CDC42EP5: variants seen among roughly 807,000 people sequenced by gnomAD.
CDC42EP5 encodes the protein CDC42 effector protein (Rho GTPase binding) 5.
For synonymous variants in CDC42EP5, 118 were observed against 123.3 expected, an observed-to-expected ratio of 0.96 and a Z score of 0.28; for missense variants, 269 against 238.0, an observed-to-expected ratio of 1.13 and a Z score of -0.86.
intron 1 of CDC42EP5, among the ~76,000 whole-genome samples, chr19:54,472,818 T>C (rs1210686326): frequency 1.8e-4 from 10 of 55,736 alleles, no homozygotes; most frequent in Admixed American, 2.4e-4. Context: ...AGCCCCTTCT[T>C]CCTCAGACCC....
chr19:54,465,163 G>A lies in CDC42EP5; in HGVS notation c.385C>T (p.Pro129Ser). ...TTGGGGCGGCAGCGGGCCTGGGGGG[G>A]CTGCGTCCCGGGGCGGGGTTCCGCG... ...PDAEPRPGTQ[P>S]PQARCRPNAD... Residue 129 changes from proline to serine, a missense_variant, in exon 3 of 3, where the codon CCC becomes TCC. Pro to Ser is a moderately conservative substitution (Grantham distance 74). Transcript: ENST00000301200. The A allele has an allele frequency of 3.5e-6, 5 of 1,409,830 alleles. No individual in the cohort carries two copies. Among genetic ancestry groups the A allele is most frequent in the South Asian group, 1.6e-5 (1 of 64,444 alleles). The allele number at this position is 1,409,830 out of a possible 1,614,324, so 87.3% of individuals were successfully genotyped here. A position where few individuals can be genotyped will look rare whatever the true frequency, so the allele number is the denominator to read the frequency against.
At position 54,465,205 on chromosome 19, in the gene CDC42EP5, C is replaced by T; in HGVS notation, c.343G>A (p.Ala115Thr). The T allele has an allele frequency of 7.0e-7, 1 of 1,438,412 alleles. No individual in the cohort carries two copies. The allele number at this position is 1,438,412 out of a possible 1,614,324, so 89.1% of individuals were successfully genotyped here. ...GVMDAARPEA[A>T]AAKPDAEPRP... is the part of the protein sequence containing the mutation. ...GGTTCCGCGTCGGGCTTGGCGGCAG[C>T]CGCCTCCGGGCGCGCCGCGTCCATG... is the stretch of plus-strand genomic sequence containing the variant. Residue 115 changes from alanine to threonine, a missense_variant, in exon 3 of 3, where the codon GCT (alanine) becomes ACT (threonine). Ala to Thr is a moderately conservative substitution (Grantham distance 58, BLOSUM62 0). Coordinates refer to ENST00000301200, the MANE Select transcript of CDC42EP5 (RefSeq NM_145057.4).
At chr19:54,466,635 G>A (rs1202731919) in intron 2 of CDC42EP5, among the ~76,000 whole-genome samples, 1 of 152,164 alleles carries the variant, frequency 6.6e-6, no homozygotes, top group Non-Finnish European at 1.5e-5. Flanking sequence ...CTTGGTATCT[G>A]TGGGTTCCGC....
rs34177319 is a variant in CDC42EP5, at chr19:54,468,717, ATT to A, written c.-1+2826_-1+2827del. 1.8e-3 allele frequency among the ~76,000 whole-genome samples: 248 copies of A among 138,004 alleles called. 1 individual carries two copies. The highest frequency in any genetic ancestry group is 0.012 in the East Asian group (55 of 4,698). The allele number at this position is 138,004 out of a possible 152,430, so 90.5% of individuals were successfully genotyped here. On this transcript the variant is annotated intron_variant, in intron 2 of 2. Coordinates refer to ENST00000301200, the MANE Select transcript of CDC42EP5 (RefSeq NM_145057.4). ...TGCTACCATGTAGTGTTATTTTTGT[ATT>A]TTTTTTTTTTTTTGTAGAGATGGGG... is the stretch of plus-strand genomic sequence containing the variant.
At chr19:54,466,345 C>T (rs2084756641) in intron 2 of CDC42EP5, among the ~76,000 whole-genome samples, 2 of 152,148 alleles carry the variant, frequency 1.3e-5, no homozygotes, top group South Asian at 4.1e-4. Context: ...GTAGGAGAAT[C>T]GCTTGAACCC....
rs547076131 is a variant in CDC42EP5, at chr19:54,465,159, G to T, written c.389C>A (p.Pro130His). ...DAEPRPGTQP[P>H]QARCRPNADL... ...CGCGTTGGGGCGGCAGCGGGCCTGG[G>T]GGGGCTGCGTCCCGGGGCGGGGTTC... Residue 130 changes from proline (P) to histidine (H), a missense_variant, in exon 3 of 3, where the codon CCC becomes CAC. Physicochemically the swap from Pro to His is moderately conservative, Grantham distance 77. Coordinates refer to ENST00000301200, the MANE Select transcript of CDC42EP5 (RefSeq NM_145057.4). 6.9e-5 allele frequency: 98 copies of T among 1,411,536 alleles called. 1 individual carries two copies. The East Asian group carries it at 8.2e-4, about 12-fold the overall frequency. The allele number at this position is 1,411,536 out of a possible 1,614,324, so 87.4% of individuals were successfully genotyped here.
chr19:54,466,955 G>A (rs146429735), intron 2 of CDC42EP5, among the ~76,000 whole-genome samples: 37 of 139,394 alleles, frequency 2.7e-4, no homozygotes, highest in African/African-American at 9.2e-4. Context: ...TTTTTGAGAC[G>A]CTAATTTTTG....
At chr19:54,467,511 G>A (rs1477101611) in intron 2 of CDC42EP5, among the ~76,000 whole-genome samples, 1 of 151,280 alleles carries the variant, frequency 6.6e-6, no homozygotes, top group Non-Finnish European at 1.5e-5. Context: ...TAAATTTGAA[G>A]CTGGCAGCAT....
At chr19:54,467,845 C>G (rs538998962) in intron 2 of CDC42EP5, among the ~76,000 whole-genome samples, 1 of 152,108 alleles carries the variant, frequency 6.6e-6, no homozygotes, top group African/African-American at 2.4e-5. Flanking sequence ...GAAATAGAAA[C>G]GCAGCCACAG....
intron 2 of CDC42EP5, 133 bp downstream of exon 2, chr19:54,471,412 C>G (rs572434019): frequency 6.6e-6 from 1 of 152,136 alleles, no homozygotes; most frequent in South Asian, 2.1e-4. Flanking sequence ...CGGGGGACCC[C>G]AGATGGGGAG....
intron 2 of CDC42EP5, among the ~76,000 whole-genome samples, chr19:54,467,925 CT>C (rs2084777737): frequency 6.6e-6 from 1 of 152,160 alleles, no homozygotes; most frequent in Non-Finnish European, 1.5e-5. Context: ...TGACCTTGTA[CT>C]TTTGTTTTAA....
chr19:54,465,696 C>A (rs2084747893), intron 2 of CDC42EP5, 149 bp from the exon 3 acceptor site: 1 of 1,040,014 alleles, frequency 9.6e-7, no homozygotes, highest in Non-Finnish European at 1.3e-6. Context: ...AGTTCAATGG[C>A]GCCATCCCGG....
At chr19:54,468,932 T>TTC (rs2084796889) in intron 2 of CDC42EP5, among the ~76,000 whole-genome samples, 2 of 43,192 alleles carry the variant, frequency 4.6e-5, no homozygotes, top group Non-Finnish European at 4.8e-5. Flanking sequence ...TCTTTCTTTC[T>TTC]TTTCTTCCCT....
At position 54,467,058 on chromosome 19, in the gene CDC42EP5, T is replaced by C. The variant is rs2084764904; in HGVS notation, c.1-1511A>G. On this transcript the variant is annotated intron_variant, in intron 2 of 2. Coordinates refer to ENST00000301200, the MANE Select transcript of CDC42EP5 (RefSeq NM_145057.4). ...TGCCCGCCTCGGCCTCCCGAAGTGC[T>C]GGGATTACAGGCATGAGCCACCACG... is the stretch of plus-strand genomic sequence containing the variant. Among the ~76,000 whole-genome samples, 2 of 149,102 alleles carry C rather than the reference T, an allele frequency of 1.3e-5. 1 individual carries two copies. Among genetic ancestry groups the C allele is most frequent in the South Asian group, 4.6e-4 (2 of 4,384 alleles).
chr19:54,466,311 C>T (rs1050047972), intron 2 of CDC42EP5, among the ~76,000 whole-genome samples: 2 of 152,126 alleles, frequency 1.3e-5, no homozygotes, highest in African/African-American at 4.8e-5. Context: ...GGCATGGTGG[C>T]GCATGCCTGT....
At chr19:54,468,940 C>T (rs1406815920) in intron 2 of CDC42EP5, among the ~76,000 whole-genome samples, 2 of 91,854 alleles carry the variant, frequency 2.2e-5, no homozygotes, top group Non-Finnish European at 4.7e-5. Context: ...TCTTTTCTTC[C>T]CTCCCTCCCT....
At chr19:54,472,655 G>A (rs1459835241) in intron 1 of CDC42EP5, among the ~76,000 whole-genome samples, 1 of 13,390 alleles carries the variant, frequency 7.5e-5, no homozygotes, top group Non-Finnish European at 1.2e-4. Context: ...AGGAGTCCAG[G>A]CCCCCATCCC....
intron 1 of CDC42EP5, among the ~76,000 whole-genome samples, chr19:54,472,692 G>A (rs558188312): frequency 3.4e-4 from 7 of 20,566 alleles, no homozygotes; most frequent in East Asian, 1.5e-3. Context: ...AGGAGTCCAG[G>A]CCCCCAGCCC....
intron 2 of CDC42EP5, among the ~76,000 whole-genome samples, chr19:54,468,765 TG>T (rs2084788489): frequency 2.0e-5 from 3 of 151,210 alleles, no homozygotes; most frequent in African/African-American, 7.3e-5. Flanking sequence ...TTGCCCAGGC[TG>T]GTCTCAAACT....
Sources: allele counts gnomAD v4.1 joint callset (sites outside exome capture counted in the v4.1 genomes callset), GRCh38; gene constraint gnomAD v4.1.1; transcripts MANE v1.5; gene names NCBI Gene and HGNC (gene_info 2026-07-23, HGNC 2026-07-21).